The following SLIT3 variants were observed in gnomAD, a reference collection of about 807,000 sequenced individuals.
SLIT3 encodes slit homolog 3 protein.
SLIT3 carries 68 observed loss-of-function variants against 184.0 expected under a neutral mutation model. The observed-to-expected ratio is 0.37, with a 90% confidence interval of 0.30 to 0.45. The LOEUF is 0.45. Ranked by LOEUF, SLIT3 falls within the 20% of genes least tolerant of loss-of-function variation. SLIT3 has a pLI of 1.00. For missense variants in SLIT3, 1,707 were observed against 2,026.0 expected (o/e 0.84, Z 3.02); for synonymous variants, 831 against 828.6 (o/e 1.00, Z -0.05).
At chr5:169,168,783 A>G (rs920522708) in intron 4 of SLIT3, among the ~76,000 whole-genome samples, 1 of 152,218 alleles carries the variant, frequency 6.6e-6, no homozygotes, top group Non-Finnish European at 1.5e-5. Context: ...CTGATGGCTG[A>G]TGGCTGAAGT....
At chr5:169,100,542 A>C (rs2113228510) in intron 4 of SLIT3, among the ~76,000 whole-genome samples, 1 of 152,326 alleles carries the variant, frequency 6.6e-6, no homozygotes, top group South Asian at 2.1e-4. Context: ...ACTTAGGCTC[A>C]GGAGAGATTG....
chr5:169,138,241 A>G (rs566488226), intron 4 of SLIT3, among the ~76,000 whole-genome samples: 2 of 152,308 alleles, frequency 1.3e-5, no homozygotes, highest in East Asian at 1.9e-4. Flanking sequence ...CCGTAAACGC[A>G]TGGGACTTAT....
intron 4 of SLIT3, among the ~76,000 whole-genome samples, chr5:169,003,502 T>A (rs1160906244): frequency 2.6e-5 from 4 of 152,240 alleles, no homozygotes; most frequent in Admixed American, 2.6e-4. Context: ...GAGGAAACTC[T>A]ATGGCATTGG....
At chr5:169,149,873 C>A (rs915726459) in intron 4 of SLIT3, among the ~76,000 whole-genome samples, 12 of 152,148 alleles carry the variant, frequency 7.9e-5, no homozygotes, top group African/African-American at 2.9e-4. Flanking sequence ...TAGATGAGAC[C>A]CTCTACTTTT....
rs200278691 is a variant in SLIT3, at chr5:168,666,443, C to T, written c.*11G>A. 3.2e-4 allele frequency: 497 copies of T among 1,535,848 alleles called. 1 individual carries two copies. In the African/African-American group the frequency reaches 5.0e-3, roughly 15 times the overall value. On this transcript the variant is annotated 3_prime_UTR_variant, in exon 36 of 36. Coordinates refer to ENST00000519560, the MANE Select transcript of SLIT3 (RefSeq NM_003062.4). Reference sequence around the variant, plus strand: ...TGGAGTCCGAGAGGTGGCAGGCAGGCGGGCAGGGGCTTAGGAACACGCGAG... The same window carrying T: ...TGGAGTCCGAGAGGTGGCAGGCAGGTGGGCAGGGGCTTAGGAACACGCGAG...
At chr5:168,891,480 G>A (rs1760458705) in intron 4 of SLIT3, among the ~76,000 whole-genome samples, 1 of 152,148 alleles carries the variant, frequency 6.6e-6, no homozygotes, top group South Asian at 2.1e-4. Context: ...CTGGGATTAG[G>A]ACATTCCTGG....
intron 1 of SLIT3, among the ~76,000 whole-genome samples, chr5:169,262,876 T>C (rs1430388922): frequency 6.6e-6 from 1 of 152,228 alleles, no homozygotes; most frequent in African/African-American, 2.4e-5. Flanking sequence ...ATTTAAATCC[T>C]ACTGCTCTGT....
intron 14 of SLIT3, among the ~76,000 whole-genome samples, chr5:168,771,869 G>A (rs1163276996): frequency 1.3e-5 from 2 of 152,146 alleles, no homozygotes; most frequent in African/African-American, 2.4e-5. Context: ...AGAAGCTCCT[G>A]GGCAAGGGGA....
At chr5:168,893,031 C>T (rs535345453) in intron 4 of SLIT3, among the ~76,000 whole-genome samples, 1 of 152,312 alleles carries the variant, frequency 6.6e-6, no homozygotes, top group South Asian at 2.1e-4. Flanking sequence ...ACACGTACCT[C>T]ATTATATACA....
Position 168,817,403 on chromosome 5 carries a change from C to T in SLIT3, c.690G>A (p.Leu230=). Residue 230 remains leucine, a synonymous_variant, in exon 8 of 36, where the codon CTG becomes CTA. Coordinates refer to ENST00000519560, the MANE Select transcript of SLIT3 (RefSeq NM_003062.4). ...DCHLAWLSDW[L]RQRRTVGQFT... ...ACTGGCCAACTGTCCGTCGCTGTCG[C>T]AGCCAATCCGAGAGCCAGGCCAGGT... The T allele has an allele frequency of 1.2e-6, 2 of 1,614,216 alleles. No individual in the cohort carries two copies. Among genetic ancestry groups the T allele is most frequent in the Non-Finnish European group, 1.7e-6 (2 of 1,180,040 alleles).
At chr5:169,266,540 G>A (rs1766402549) in intron 1 of SLIT3, among the ~76,000 whole-genome samples, 1 of 152,122 alleles carries the variant, frequency 6.6e-6, no homozygotes, top group Non-Finnish European at 1.5e-5. Context: ...ATAAATGGAG[G>A]GGTCCCCCAG....
chr5:169,105,831 C>A (rs1760184709), intron 4 of SLIT3, among the ~76,000 whole-genome samples: 2 of 152,134 alleles, frequency 1.3e-5, no homozygotes, highest in South Asian at 2.1e-4. Context: ...TGTATATGTG[C>A]CACAATTTCT....
At chr5:169,058,981 G>A (rs1758094622) in intron 4 of SLIT3, among the ~76,000 whole-genome samples, 2 of 152,218 alleles carry the variant, frequency 1.3e-5, no homozygotes, top group Non-Finnish European at 1.5e-5. Flanking sequence ...GGACGTTGCA[G>A]TGTCCAAAGC....
At chr5:169,097,807 C>T (rs1759845500) in intron 4 of SLIT3, among the ~76,000 whole-genome samples, 1 of 152,138 alleles carries the variant, frequency 6.6e-6, no homozygotes, top group Non-Finnish European at 1.5e-5. Flanking sequence ...TTCTCATCTG[C>T]CCTTTGTTAG....
intron 4 of SLIT3, among the ~76,000 whole-genome samples, chr5:169,043,086 A>C (rs1757502948): frequency 6.6e-6 from 1 of 152,196 alleles, no homozygotes; most frequent in South Asian, 2.1e-4. Context: ...CTGTACTGAC[A>C]CTTTATATAA....
At chr5:168,825,916 A>G (rs898579649) in intron 6 of SLIT3, among the ~76,000 whole-genome samples, 3 of 152,212 alleles carry the variant, frequency 2.0e-5, no homozygotes, top group African/African-American at 4.8e-5. Flanking sequence ...TCTGGGCTCC[A>G]CACTTAGGGG....
chr5:168,732,446 T>C (rs1763314813), intron 20 of SLIT3, among the ~76,000 whole-genome samples: 1 of 152,034 alleles, frequency 6.6e-6, no homozygotes, highest in South Asian at 2.1e-4. Context: ...ATTTGGTACA[T>C]TTTTCACAGA....
At chr5:169,031,438 TA>T (rs76477910) in intron 4 of SLIT3, among the ~76,000 whole-genome samples, 45,485 of 151,950 alleles carry the variant, frequency 0.3, 7,857 homozygotes, top group East Asian at 0.53. Context: ...CAAATCGTAA[TA>T]AAAGCTATGC....
At position 169,073,430 on chromosome 5, in the gene SLIT3, C is replaced by T. The variant is rs541606246; in HGVS notation, c.413+120049G>A. Among the ~76,000 whole-genome samples the T allele has an allele frequency of 6.6e-5, 10 of 151,954 alleles. No homozygotes were observed. In the South Asian group the frequency reaches 1.5e-3, roughly 22 times the overall value. On this transcript the variant is annotated intron_variant, in intron 4 of 35. Transcript: ENST00000519560. ...CGTTCTCATCTTTGGTACTGCACCT[C>T]CTTCTTCCAACATTTGGGGAATTCT...
Sources: allele counts gnomAD v4.1 joint callset (sites outside exome capture counted in the v4.1 genomes callset), GRCh38; gene constraint gnomAD v4.1.1; transcripts MANE v1.5; gene names NCBI Gene and HGNC (gene_info 2026-07-23, HGNC 2026-07-21).